Variants in BDKRB2 observed in about 807,000 individuals in gnomAD.
BDKRB2 encodes B2 bradykinin receptor.
BDKRB2 carries 6 observed loss-of-function variants against 4.0 expected under a neutral mutation model. The ratio of observed to expected loss-of-function variants is 1.49; its 90% CI spans 0.81 to 2.93. BDKRB2 has a LOEUF of 2.93. BDKRB2 is among the 30% of genes most tolerant of loss of function. The pLI, the probability that BDKRB2 is intolerant of heterozygous loss-of-function variation, is 0.00. For synonymous variants in BDKRB2, 225 were observed against 215.3 expected (o/e 1.05, Z -0.40); for missense variants, 478 against 520.1 (o/e 0.92, Z 0.79).
In BDKRB2 at chr14:96,235,313, A is replaced by G. The variant is rs376214917; in HGVS notation, c.-39-1756A>G. Among the ~76,000 whole-genome samples, 16 of 132,066 alleles carry G rather than the reference A, an allele frequency of 1.2e-4. 1 individual carries two copies. The highest frequency in any genetic ancestry group is 4.7e-4 in the African/African-American group (16 of 33,976). The allele number at this position is 132,066 out of a possible 152,430, so 86.6% of individuals were successfully genotyped here. A position where few individuals can be genotyped will look rare whatever the true frequency, so the allele number is the denominator to read the frequency against. On this transcript the variant is annotated intron_variant, in intron 1 of 2. Coordinates refer to ENST00000554311, the MANE Select transcript of BDKRB2 (RefSeq NM_001379692.1). ...CAGTGAGCCAAGATTACGCCATTGTACTCCAGCCTGGGTGACAGAGAGAGA... is the reference window on the plus strand; with the variant it reads ...CAGTGAGCCAAGATTACGCCATTGTGCTCCAGCCTGGGTGACAGAGAGAGA...
chr14:96,205,074 G>A lies in BDKRB2; in HGVS notation c.-40+115G>A, dbSNP rs543364681. The A allele has an allele frequency of 3.6e-5, 6 of 165,130 alleles. No homozygotes were observed. The South Asian group carries it at 7.0e-4, about 19-fold the overall frequency. 10.2% of individuals were successfully genotyped at this position (165,130 alleles called of 1,614,324 possible). On this transcript the variant is annotated intron_variant, in intron 1 of 2. Transcript: ENST00000554311. ...AGCGGGGAGAAGTTTCCCTGTGGTC[G>A]TGGGGAGTTGGGAAAAGTTCCCTTC...
chr14:96,229,985 T>A (rs1890780663), intron 1 of BDKRB2, among the ~76,000 whole-genome samples: 1 of 148,450 alleles, frequency 6.7e-6, no homozygotes, highest in Non-Finnish European at 1.5e-5. Context: ...AAAAAAAAAA[T>A]TAGCCAGGTG....
chr14:96,228,205 G>T (rs1566692586), intron 1 of BDKRB2, among the ~76,000 whole-genome samples: 1 of 152,232 alleles, frequency 6.6e-6, no homozygotes, highest in Non-Finnish European at 1.5e-5. Context: ...GGGTGCTGGG[G>T]CCGGGGCAAG....
In BDKRB2 at chr14:96,240,838, C is replaced by T. The variant is rs200159176; in HGVS notation, c.510C>T (p.Gly170=). ...CCATGTCCATGGGCCGGATGCGCGG[C>T]GTGCGCTGGGCCAAGCTCTACAGCT... is the stretch of plus-strand genomic sequence containing the variant. ...VKTMSMGRMR[G]VRWAKLYSLV... The change falls in exon 3 of 3, where the codon GGC becomes GGT. Residue 170 remains glycine (G), a synonymous_variant. Coordinates refer to ENST00000554311, the MANE Select transcript of BDKRB2 (RefSeq NM_001379692.1). 2.7e-5 allele frequency: 42 copies of T among 1,561,476 alleles called. No individual in the cohort carries two copies. Among genetic ancestry groups the T allele is most frequent in the Admixed American group, 9.5e-5 (5 of 52,818 alleles).
intron 1 of BDKRB2, chr14:96,233,377 G>A (rs143896873): frequency 1.3e-5 from 2 of 152,076 alleles, no homozygotes; most frequent in African/African-American, 4.9e-5. Context: ...GAATCATGGG[G>A]CTGTGGTGGG....
At chr14:96,238,573 G>T in intron 2 of BDKRB2, 1 of 985,766 alleles carries the variant, frequency 1.0e-6, no homozygotes, top group Non-Finnish European at 1.2e-6. Flanking sequence ...TGAAGACCAC[G>T]CTTACTCCCT....
At chr14:96,205,822 C>A (rs187953956) in intron 1 of BDKRB2, among the ~76,000 whole-genome samples, 1 of 152,160 alleles carries the variant, frequency 6.6e-6, no homozygotes, top group East Asian at 1.9e-4. Flanking sequence ...AAATGGCAGC[C>A]GTGATTCGAG....
chr14:96,232,282 C>T (rs576466157), intron 1 of BDKRB2, among the ~76,000 whole-genome samples: 8 of 152,292 alleles, frequency 5.3e-5, no homozygotes, highest in South Asian at 2.1e-4. Flanking sequence ...TTGAAAAAAA[C>T]GAGGTGCAAT....
chr14:96,216,346 G>A lies in BDKRB2; in HGVS notation c.-40+11387G>A, dbSNP rs559602831. Among the ~76,000 whole-genome samples the A allele has an allele frequency of 2.1e-4, 32 of 152,200 alleles. No homozygotes were observed. The South Asian group carries it at 6.6e-3, about 32-fold the overall frequency. On this transcript the variant is annotated intron_variant, in intron 1 of 2. Coordinates refer to ENST00000554311, the MANE Select transcript of BDKRB2 (RefSeq NM_001379692.1). ...TGTACCTCCCACCTCCCCGCAAGAA[G>A]TAGGCCAGGCATGGTAGCTCATGCC...
At chr14:96,227,319 A>C (rs1245789587) in intron 1 of BDKRB2, among the ~76,000 whole-genome samples, 1 of 152,188 alleles carries the variant, frequency 6.6e-6, no homozygotes, top group Non-Finnish European at 1.5e-5. Flanking sequence ...CATTAACCCC[A>C]CAAAGTAGGT....
chr14:96,210,636 G>A (rs1890282560), intron 1 of BDKRB2, among the ~76,000 whole-genome samples: 1 of 152,182 alleles, frequency 6.6e-6, no homozygotes, highest in Non-Finnish European at 1.5e-5. Flanking sequence ...GATATCCGAG[G>A]CCTTTTCCTT....
intron 1 of BDKRB2, among the ~76,000 whole-genome samples, chr14:96,231,289 G>T (rs902080203): frequency 2.6e-5 from 4 of 152,182 alleles, no homozygotes; most frequent in African/African-American, 7.2e-5. Context: ...ACATGTATAT[G>T]TCTGGGATTG....
rs1475139972 is a variant in BDKRB2 at position 96,204,867 on chromosome 14, G to A, written c.-132G>A. The A allele has an allele frequency of 2.0e-5, 7 of 341,716 alleles. No homozygotes were observed. The highest frequency in any genetic ancestry group is 3.4e-5 in the Non-Finnish European group (6 of 174,182). The allele number at this position is 341,716 out of a possible 1,614,324, so 21.2% of individuals were successfully genotyped here. A position where few individuals can be genotyped will look rare whatever the true frequency, so the allele number is the denominator to read the frequency against. ...CCAGCTCTGGCTTCTGGGCTCCGAG[G>A]AGGGGTGGGGACGGTGGGGACGGTG... is the stretch of plus-strand genomic sequence containing the variant. On this transcript the variant is annotated 5_prime_UTR_variant, in exon 1 of 3. Transcript: ENST00000554311.
chr14:96,207,561 C>T (rs1890216284), intron 1 of BDKRB2, among the ~76,000 whole-genome samples: 2 of 152,146 alleles, frequency 1.3e-5, no homozygotes, highest in South Asian at 4.1e-4. Context: ...TGCAAACCCA[C>T]AGAATGTCCA....
In BDKRB2 at chr14:96,243,982, C is replaced by A. The variant is rs1408904600; in HGVS notation, c.*2478C>A. ...GATCCACACCTGGTCTGAGGGGCAACTGAGTCTGCGGGAGAAGAGCGGCCC... is the reference window on the plus strand; with the variant it reads ...GATCCACACCTGGTCTGAGGGGCAAATGAGTCTGCGGGAGAAGAGCGGCCC... On this transcript the variant is annotated 3_prime_UTR_variant, in exon 3 of 3. Coordinates refer to ENST00000554311, the MANE Select transcript of BDKRB2 (RefSeq NM_001379692.1). 5.2e-6 allele frequency: 2 copies of A among 388,202 alleles called. No homozygotes were observed. The highest frequency in any genetic ancestry group is 9.1e-6 in the Non-Finnish European group (2 of 220,144). 24.0% of individuals were successfully genotyped at this position (388,202 alleles called of 1,614,324 possible).
intron 1 of BDKRB2, among the ~76,000 whole-genome samples, chr14:96,209,723 C>T (rs1177035445): frequency 2.0e-5 from 3 of 152,112 alleles, no homozygotes; most frequent in Non-Finnish European, 1.5e-5. Flanking sequence ...GGGCTGGGCA[C>T]GGTAGCTCAC....
chr14:96,227,705 A>T (rs1400321808), intron 1 of BDKRB2, among the ~76,000 whole-genome samples: 1 of 152,146 alleles, frequency 6.6e-6, no homozygotes, highest in African/African-American at 2.4e-5. Flanking sequence ...GCACACACAC[A>T]CACAAATGCA....
At chr14:96,240,045 GC>G in intron 2 of BDKRB2, 1 of 1,022,260 alleles carries the variant, frequency 9.8e-7, no homozygotes, top group Non-Finnish European at 1.2e-6. Context: ...CCTTGGGAGG[GC>G]CCCGGTTGAT....
At chr14:96,210,027 T>G (rs1469033317) in intron 1 of BDKRB2, among the ~76,000 whole-genome samples, 4 of 151,996 alleles carry the variant, frequency 2.6e-5, no homozygotes, top group Non-Finnish European at 5.9e-5. Flanking sequence ...ATCATCATCA[T>G]CATCATCATA....
Sources: gnomAD v4.1 joint callset for allele counts (sites outside exome capture counted in the v4.1 genomes callset) on GRCh38, gnomAD v4.1.1 for gene constraint, MANE v1.5 for transcripts, NCBI Gene and HGNC (gene_info 2026-07-23, HGNC 2026-07-21) for gene names.